CNNM2: variants seen among roughly 807,000 people sequenced by gnomAD.
CNNM2 encodes metal transporter CNNM2.
CNNM2 carries 12 observed loss-of-function variants against 66.9 expected under a neutral mutation model. The observed-to-expected ratio is 0.18, with a 90% CI of 0.11 to 0.29. The LOEUF (loss-of-function observed/expected upper bound fraction) is 0.29, where lower values mean the gene tolerates loss of function less well. Among genes scored for constraint, CNNM2 ranks in the 10% least tolerant of loss-of-function variants. The pLI, the probability that CNNM2 is intolerant of heterozygous loss-of-function variation, is 1.00. For missense variants in CNNM2, 705 were observed against 1,167.7 expected (o/e 0.60, Z 5.77); for synonymous variants, 557 against 501.8 (o/e 1.11, Z -1.47).
chr10:103,029,737 G>A lies in CNNM2; in HGVS notation c.1622-19970G>A, dbSNP rs150573418. Among the ~76,000 whole-genome samples, 6,404 of 151,846 alleles carry A rather than the reference G, an allele frequency of 0.042. 143 individuals carry two copies. The highest frequency in any genetic ancestry group is 0.052 in the Non-Finnish European group (3,551 of 67,940). On this transcript the variant is annotated intron_variant, in intron 1 of 7. Transcript: ENST00000369878. Reference sequence around the variant, plus strand: ...AAAAATTAGCCAGGCATGGCGGCACGTGCCTGTAGTCCCAGCTACTAGGGA... The same window carrying A: ...AAAAATTAGCCAGGCATGGCGGCACATGCCTGTAGTCCCAGCTACTAGGGA...
intron 1 of CNNM2, among the ~76,000 whole-genome samples, chr10:103,017,337 G>A (rs1384386622): frequency 6.6e-6 from 1 of 152,176 alleles, no homozygotes; most frequent in Non-Finnish European, 1.5e-5. Context: ...TCTAGGCATG[G>A]AGGAGACAGC....
intron 1 of CNNM2, among the ~76,000 whole-genome samples, chr10:102,985,963 G>A (rs924419622): frequency 3.3e-5 from 5 of 152,086 alleles, no homozygotes; most frequent in Admixed American, 3.3e-4. Flanking sequence ...CTGTTAGCTT[G>A]GTGCCAAAGT....
chr10:102,962,300 C>T (rs2063394635), intron 1 of CNNM2, among the ~76,000 whole-genome samples: 2 of 152,028 alleles, frequency 1.3e-5, no homozygotes, highest in African/African-American at 4.8e-5. Flanking sequence ...ACCTGCACAT[C>T]CTGCACATAT....
At chr10:103,006,870 C>T (rs535729504) in intron 1 of CNNM2, among the ~76,000 whole-genome samples, 20 of 152,232 alleles carry the variant, frequency 1.3e-4, no homozygotes, top group African/African-American at 4.1e-4. Flanking sequence ...TGGCCTCAAG[C>T]GATCCTTCTG....
rs749763781 is a variant in CNNM2 at position 103,054,304 on chromosome 10, T to TC, written c.1766-25_1766-24insC. The TC allele has an allele frequency of 3.7e-6, 6 of 1,609,268 alleles. No individual in the cohort carries two copies. The South Asian group carries it at 6.6e-5, about 18-fold the overall frequency. ...TCTCATGGGATGCATTTCTTTTTTT[T>TC]TCTCTCTTTTAATTCCTCCCTTAGC... On this transcript the variant is annotated intron_variant, in intron 2 of 7. Transcript: ENST00000369878. The surrounding 1 kb of genome is among the most constrained non-coding windows in gnomAD (Gnocchi z 5.2).
At chr10:103,012,901 C>T (rs1472163157) in intron 1 of CNNM2, among the ~76,000 whole-genome samples, 1 of 152,134 alleles carries the variant, frequency 6.6e-6, no homozygotes, top group African/African-American at 2.4e-5. Context: ...CATAGCCTTT[C>T]CTTCCTTCTC....
At chr10:102,929,360 T>C (rs1169705820) in intron 1 of CNNM2, among the ~76,000 whole-genome samples, 8 of 152,082 alleles carry the variant, frequency 5.3e-5, no homozygotes, top group Admixed American at 5.2e-4. Flanking sequence ...GAAGGATTGC[T>C]TGAATCTAGG....
chr10:103,030,345 C>T (rs1277340082), intron 1 of CNNM2, among the ~76,000 whole-genome samples: 1 of 152,168 alleles, frequency 6.6e-6, no homozygotes, highest in Non-Finnish European at 1.5e-5. Context: ...GAGGAAATTA[C>T]ATTAAAGTTA....
At chr10:102,920,731 C>T (rs1845599448) in intron 1 of CNNM2, among the ~76,000 whole-genome samples, 1 of 152,114 alleles carries the variant, frequency 6.6e-6, no homozygotes, top group East Asian at 1.9e-4. Context: ...GATGTGACTT[C>T]TCTTAGCTAG....
Position 103,089,115 on chromosome 10 carries a change from G to GTGAT in CNNM2, c.*11936_*11939dup, listed in dbSNP as rs532120481. 45 of 227,554 alleles carry GTGAT rather than the reference G, an allele frequency of 2.0e-4. No homozygotes were observed. Among genetic ancestry groups the GTGAT allele is most frequent in the East Asian group, 1.4e-3 (22 of 15,774 alleles). The allele number at this position is 227,554 out of a possible 1,614,324, so 14.1% of individuals were successfully genotyped here. ...TAGAGCATACTTCTGTGCAAAGCCA[G>GTGAT]TGATAGAGAAGCAGCCTTGCCAGAG... On this transcript the variant is annotated 3_prime_UTR_variant, in exon 8 of 8. Coordinates refer to ENST00000369878, the MANE Select transcript of CNNM2 (RefSeq NM_017649.5).
At chr10:103,065,535 C>T (rs993866888) in intron 4 of CNNM2, among the ~76,000 whole-genome samples, 1 of 152,196 alleles carries the variant, frequency 6.6e-6, no homozygotes, top group Non-Finnish European at 1.5e-5. Context: ...GCCTGCCCTA[C>T]TAGTCCTGAC....
At chr10:103,032,055 C>T (rs2134302814) in intron 1 of CNNM2, among the ~76,000 whole-genome samples, 1 of 152,274 alleles carries the variant, frequency 6.6e-6, no homozygotes, top group Admixed American at 6.5e-5. Flanking sequence ...GCACTGGGGC[C>T]TAGGGGGTTG....
At chr10:103,055,746 A>G (rs1476547020) in intron 3 of CNNM2, among the ~76,000 whole-genome samples, 1 of 152,252 alleles carries the variant, frequency 6.6e-6, no homozygotes, top group East Asian at 1.9e-4. Context: ...GATGTCTTTC[A>G]CTTATTATTC....
chr10:103,001,060 T>A (rs1198050460), intron 1 of CNNM2, among the ~76,000 whole-genome samples: 1 of 152,196 alleles, frequency 6.6e-6, no homozygotes, highest in Non-Finnish European at 1.5e-5. Context: ...GAAGATAGTA[T>A]ACTAAGTGAA....
chr10:103,063,562 G>A (rs949218841), intron 4 of CNNM2, among the ~76,000 whole-genome samples: 1 of 152,192 alleles, frequency 6.6e-6, no homozygotes, highest in Non-Finnish European at 1.5e-5. Context: ...GACATGGCAC[G>A]GGCTGTTGAG....
At position 103,080,519 on chromosome 10, in the gene CNNM2, G is replaced by C. The variant is rs1173165716; in HGVS notation, c.*3339G>C. On this transcript the variant is annotated 3_prime_UTR_variant, in exon 8 of 8. Transcript: ENST00000369878. ...AACTTGAAAGGTTACATTGAACTCT[G>C]TTCTTTCCTCCCTCCTCACCTCACT... 2 of 152,150 alleles carry C rather than the reference G, an allele frequency of 1.3e-5. No homozygotes were observed. The highest frequency in any genetic ancestry group is 2.9e-5 in the Non-Finnish European group (2 of 68,026). The allele number at this position is 152,150 out of a possible 1,614,324, so 9.4% of individuals were successfully genotyped here.
chr10:103,072,110 A>C (rs548718872), intron 6 of CNNM2, among the ~76,000 whole-genome samples: 1 of 152,192 alleles, frequency 6.6e-6, no homozygotes, highest in Admixed American at 6.5e-5. Flanking sequence ...GTGGATTGTT[A>C]GCGCTCCCTG....
intron 1 of CNNM2, among the ~76,000 whole-genome samples, chr10:103,018,125 A>T (rs1242664826): frequency 1.3e-5 from 2 of 152,120 alleles, no homozygotes; most frequent in Non-Finnish European, 2.9e-5. Context: ...CTTTTCTGCA[A>T]AGGACTTACT....
chr10:102,964,621 C>T (rs2063432622), intron 1 of CNNM2, among the ~76,000 whole-genome samples: 1 of 152,162 alleles, frequency 6.6e-6, no homozygotes, highest in African/African-American at 2.4e-5. Flanking sequence ...GGACCACCTA[C>T]TCAGCCTAGG....
Sources: allele counts gnomAD v4.1 joint callset (sites outside exome capture counted in the v4.1 genomes callset), GRCh38; gene constraint gnomAD v4.1.1; non-coding constraint Gnocchi (gnomAD v3.1); transcripts MANE v1.5; gene names NCBI Gene and HGNC (gene_info 2026-07-23, HGNC 2026-07-21).